ANAPC4: variants seen among roughly 807,000 people sequenced by gnomAD.
The protein encoded by ANAPC4 is anaphase promoting complex subunit 4.
ANAPC4 carries 63 observed loss-of-function variants against 119.8 expected under a neutral mutation model. That is an observed-to-expected ratio of 0.53 (90% confidence interval 0.43 to 0.65). The LOEUF is 0.65. Among genes scored for constraint, ANAPC4 ranks in the 30% least tolerant of loss-of-function variants. ANAPC4 has a pLI of 0.00. For missense variants in ANAPC4, 716 were observed against 945.1 expected, an observed-to-expected ratio of 0.76 and a Z score of 3.18; for synonymous variants, 283 against 318.6, an observed-to-expected ratio of 0.89 and a Z score of 1.19.
At chr4:25,398,215 G>A (rs1722763651) in intron 16 of ANAPC4, among the ~76,000 whole-genome samples, 1 of 151,788 alleles carries the variant, frequency 6.6e-6, no homozygotes, top group Non-Finnish European at 1.5e-5. Context: ...TTTGATTATT[G>A]TCAAATGTCA....
chr4:25,384,472 G>C (rs955958133), intron 4 of ANAPC4, among the ~76,000 whole-genome samples: 1 of 152,180 alleles, frequency 6.6e-6, no homozygotes, highest in Admixed American at 6.5e-5. Flanking sequence ...GCTTTGCCCA[G>C]ATCCATCAGA....
intron 16 of ANAPC4, among the ~76,000 whole-genome samples, chr4:25,398,060 C>A (rs1438736291): frequency 1.7e-4 from 26 of 152,120 alleles, no homozygotes; most frequent in Admixed American, 1.7e-3. Flanking sequence ...GCCATTACGC[C>A]AAGCTTTCTC....
At chr4:25,413,962 A>C (rs1723719948) in intron 22 of ANAPC4, 1 of 494,168 alleles carries the variant, frequency 2.0e-6, no homozygotes, top group Admixed American at 3.8e-5. Context: ...TATAAAGATT[A>C]CTGAAGGTGT....
Position 25,394,318 on chromosome 4 carries a change from C to A in ANAPC4, c.885C>A (p.Asn295Lys), listed in dbSNP as rs920870053. ...TTTTCACTTTTTTCCAGGAAAAGAA[C>A]ACAACCACATCAGTGCAAGATGAGT... ...SRLTKFVQEK[N>K]TTTSVQDEFM... Residue 295 changes from asparagine (N) to lysine (K), a missense_variant, in exon 12 of 29, where the codon AAC becomes AAA. Asn to Lys is a moderately conservative substitution (Grantham distance 94, BLOSUM62 0). Transcript: ENST00000315368. 1.9e-6 allele frequency: 3 copies of A among 1,580,526 alleles called. No homozygotes were observed. The highest frequency in any genetic ancestry group is 2.6e-6 in the Non-Finnish European group (3 of 1,171,386).
chr4:25,405,411 G>A lies in ANAPC4; in HGVS notation c.1271-162G>A, dbSNP rs1560443326. The stretch of plus-strand genomic sequence containing the variant: ...AAAATATGAATCAAATTTAAGTTCT[G>A]GCACCCCTTAGTTTTTGGAAGAAAA... On this transcript the variant is annotated intron_variant, in intron 17 of 28. Coordinates refer to ENST00000315368, the MANE Select transcript of ANAPC4 (RefSeq NM_013367.3). The surrounding 1 kb of genome is among the most constrained non-coding windows in gnomAD (Gnocchi z 4.6). Among the ~76,000 whole-genome samples, 1 of 152,110 alleles carries A rather than the reference G, an allele frequency of 6.6e-6. No individual in the cohort carries two copies. The highest frequency in any genetic ancestry group is 2.4e-5 in the African/African-American group (1 of 41,418).
At chr4:25,414,553 T>G in intron 24 of ANAPC4, 46 bp from the exon 25 acceptor site, 1 of 1,571,728 alleles carries the variant, frequency 6.4e-7, no homozygotes, top group Non-Finnish European at 8.6e-7. Context: ...CAATTTTGTT[T>G]TATCCATCAA....
chr4:25,413,431 G>A, intron 21 of ANAPC4: 1 of 438,728 alleles, frequency 2.3e-6, no homozygotes, highest in Admixed American at 4.0e-5. Context: ...TAGTAAGTGA[G>A]ATTGTTTTTA....
chr4:25,392,944 C>T (rs1012499113), intron 10 of ANAPC4, among the ~76,000 whole-genome samples: 5 of 152,220 alleles, frequency 3.3e-5, no homozygotes, highest in Middle Eastern at 3.4e-3. Flanking sequence ...GTGGTGGTAA[C>T]GGGGCATCGA....
rs759507868 is a variant in ANAPC4 at position 25,396,930 on chromosome 4, C to T, written c.1214+31C>T. On this transcript the variant is annotated intron_variant, in intron 16 of 28. Transcript: ENST00000315368. ...TATTGGGAGTACCTGGAATCACTGA[C>T]CTAAGAATATGTCACTTTTGACCTA... The T allele has an allele frequency of 9.5e-6, 15 of 1,578,324 alleles. No individual in the cohort carries two copies. In the South Asian group the frequency reaches 1.7e-4, roughly 18 times the overall value.
intron 4 of ANAPC4, 60 bp from the exon 5 acceptor site, chr4:25,388,440 A>T: frequency 8.5e-7 from 1 of 1,173,822 alleles, no homozygotes; most frequent in Non-Finnish European, 1.2e-6. Context: ...TAGCATTTTT[A>T]ATGGCAAGAG....
chr4:25,403,131 A>G (rs913700696), intron 17 of ANAPC4, 105 bp downstream of exon 17: 7 of 870,406 alleles, frequency 8.0e-6, no homozygotes, highest in Non-Finnish European at 1.2e-5. Flanking sequence ...AAATACTTTG[A>G]GAGAACTATA....
intron 3 of ANAPC4, among the ~76,000 whole-genome samples, chr4:25,382,691 AACTC>A (rs1721806538): frequency 6.6e-6 from 1 of 152,216 alleles, no homozygotes; most frequent in African/African-American, 2.4e-5. Context: ...TATGCAGTGA[AACTC>A]ACTGCCCTCT....
At chr4:25,402,465 T>G (rs1349323544) in intron 16 of ANAPC4, among the ~76,000 whole-genome samples, 4 of 152,328 alleles carry the variant, frequency 2.6e-5, no homozygotes, top group Middle Eastern at 3.4e-3. Context: ...ATTCAACTTT[T>G]GAGATCTCAA....
intron 4 of ANAPC4, among the ~76,000 whole-genome samples, chr4:25,385,034 C>G (rs1721957040): frequency 6.6e-6 from 1 of 152,146 alleles, no homozygotes; most frequent in Non-Finnish European, 1.5e-5. Flanking sequence ...GATATGCTGT[C>G]ATTTAGGCTT....
chr4:25,397,702 C>T (rs1722733170), intron 16 of ANAPC4, among the ~76,000 whole-genome samples: 1 of 150,314 alleles, frequency 6.7e-6, no homozygotes, highest in South Asian at 2.1e-4. Flanking sequence ...CTTTTTGTTG[C>T]TGATGGAAGG....
Position 25,390,148 on chromosome 4 carries a change from C to T in ANAPC4, c.528C>T (p.Leu176=), listed in dbSNP as rs149911152. 2.5e-5 allele frequency: 40 copies of T among 1,611,896 alleles called. No individual in the cohort carries two copies. The highest frequency in any genetic ancestry group is 1.7e-4 in the African/African-American group (13 of 74,864). ...TGTTTTTAATTAGGCTTAATATTCT[C>T]GTCCTTGGAGGAAGCTCTGGATTTA... The part of the protein sequence containing the change: ...KLLGDVRLNI[L]VLGGSSGFIE... The change falls in exon 8 of 29, where the codon CTC becomes CTT. Residue 176 remains leucine, a synonymous_variant. Transcript: ENST00000315368.
rs1049647692 is a variant in ANAPC4, at chr4:25,414,326, T to C, written c.1626T>C (p.Asp542=). Residue 542 remains aspartate, a splice_region_variant and synonymous_variant, in exon 23 of 29, where the codon GAT becomes GAC. Transcript: ENST00000315368. ...IIDQCLQKPA[D]VIGKSMNQAI... ...TTTTAAAATCTTATTTTATATAGGATGTAATTGGAAAATCGATGAATCAAG... is the reference window on the plus strand; with the variant it reads ...TTTTAAAATCTTATTTTATATAGGACGTAATTGGAAAATCGATGAATCAAG... 2 of 1,565,808 alleles carry C rather than the reference T, an allele frequency of 1.3e-6. No individual in the cohort carries two copies. The highest frequency in any genetic ancestry group is 1.8e-6 in the Non-Finnish European group (2 of 1,141,940).
intron 4 of ANAPC4, among the ~76,000 whole-genome samples, chr4:25,383,797 A>C (rs1577370828): frequency 6.6e-6 from 1 of 152,236 alleles, no homozygotes; most frequent in South Asian, 2.1e-4. Context: ...AATGCTAACG[A>C]TCATCTGAGC....
intron 20 of ANAPC4, among the ~76,000 whole-genome samples, chr4:25,408,023 A>C (rs1193582958): frequency 6.6e-6 from 1 of 152,238 alleles, no homozygotes; most frequent in Non-Finnish European, 1.5e-5. Flanking sequence ...TCATATTGCA[A>C]ACCTCTTTGA....
Sources: gnomAD v4.1 joint callset for allele counts (sites outside exome capture counted in the v4.1 genomes callset) on GRCh38, gnomAD v4.1.1 for gene constraint, Gnocchi (gnomAD v3.1) non-coding constraint, MANE v1.5 for transcripts, NCBI Gene and HGNC (gene_info 2026-07-23, HGNC 2026-07-21) for gene names.